The following TENM1 variants were observed in gnomAD, a reference collection of about 807,000 sequenced individuals.
The protein encoded by TENM1 is teneurin transmembrane protein 1, also known as teneurin-1.
Under a neutral mutation model 174.8 loss-of-function variants are expected in TENM1, and 35 were observed. That is an observed-to-expected ratio of 0.20 (90% CI 0.15 to 0.27). The LOEUF (loss-of-function observed/expected upper bound fraction) is 0.27, where lower values mean the gene tolerates loss of function less well. Ranked by LOEUF, TENM1 falls within the 10% of genes least tolerant of loss-of-function variation. TENM1 has a pLI of 1.00. For synonymous variants in TENM1, 781 were observed against 798.7 expected, an observed-to-expected ratio of 0.98 and a Z score of 0.37; for missense variants, 1,633 against 2,130.1, an observed-to-expected ratio of 0.77 and a Z score of 4.59.
intron 11 of TENM1, among the ~76,000 whole-genome samples, chrX:124,600,448 A>G (rs2050003329): frequency 8.9e-6 from 1 of 111,896 alleles, no homozygotes; most frequent in East Asian, 2.8e-4. Context: ...GAATTAATAA[A>G]TTGAAAGTTT....
intron 3 of TENM1, among the ~76,000 whole-genome samples, chrX:124,741,955 A>G (rs970743278): frequency 2.7e-5 from 3 of 112,459 alleles, no homozygotes; most frequent in Admixed American, 1.9e-4. Flanking sequence ...AAAGGAAAAA[A>G]TTAACCTTTA....
At chrX:124,586,308 A>T (rs1198739075) in intron 11 of TENM1, among the ~76,000 whole-genome samples, 6 of 109,268 alleles carry the variant, frequency 5.5e-5, no homozygotes, top group Non-Finnish European at 1.1e-4. Flanking sequence ...GGCAAACCGA[A>T]TCCAGCAGCA....
chrX:124,739,103 C>T (rs2053743848), intron 3 of TENM1, among the ~76,000 whole-genome samples: 1 of 111,861 alleles, frequency 8.9e-6, no homozygotes, highest in Non-Finnish European at 1.9e-5. Context: ...TGCAACACAG[C>T]ACAGTGGAAA....
intron 3 of TENM1, among the ~76,000 whole-genome samples, chrX:124,800,604 TTCTGC>T (rs2055421699): frequency 8.9e-6 from 1 of 111,804 alleles, no homozygotes; most frequent in South Asian, 3.7e-4. Flanking sequence ...TCTTCTTCAG[TTCTGC>T]TCTGATCTTC....
chrX:124,422,810 G>A, intron 23 of TENM1, 172 bp from the exon 27 acceptor site: 1 of 443,104 alleles, frequency 2.3e-6, no homozygotes, highest in Non-Finnish European at 3.9e-6. Context: ...TTAATCACAT[G>A]TTCTGGTAAA....
At chrX:124,658,509 T>C (rs1401363747) in intron 6 of TENM1, among the ~76,000 whole-genome samples, 1 of 111,824 alleles carries the variant, frequency 8.9e-6, no homozygotes, top group East Asian at 2.8e-4. Flanking sequence ...CATCATATAA[T>C]TGTTTTTATT....
At chrX:124,717,938 T>G (rs755685973) in intron 4 of TENM1, among the ~76,000 whole-genome samples, 2 of 112,511 alleles carry the variant, frequency 1.8e-5, no homozygotes, top group South Asian at 7.4e-4. Flanking sequence ...TGATTATCCA[T>G]GTACTTTCTA....
At position 124,901,080 on chromosome X, in the gene TENM1, C is replaced by T. The variant is rs979598496; in HGVS notation, c.218-4839G>A. 8.1e-5 allele frequency among the ~76,000 whole-genome samples: 9 copies of T among 111,448 alleles called. No homozygotes were observed. The Admixed American group carries it at 8.6e-4, about 11-fold the overall frequency. On this transcript the variant is annotated intron_variant, in intron 1 of 31. Transcript: ENST00000422452. The stretch of plus-strand genomic sequence containing the variant: ...GTACTGGGATTACAGGCATGAGCCA[C>T]TATGCCCGACTGATGCATGATTTCT...
At chrX:125,199,751 T>C in the TENM1 span, among the ~76,000 whole-genome samples, 4 of 112,007 alleles carry the variant, frequency 3.6e-5, no homozygotes, top group Non-Finnish European at 7.5e-5. Flanking sequence ...ATATTAGGGA[T>C]CCATGTCACC....
intron 3 of TENM1, among the ~76,000 whole-genome samples, chrX:124,758,454 C>T (rs2054322254): frequency 9.0e-6 from 1 of 110,505 alleles, no homozygotes; most frequent in South Asian, 4.0e-4. Context: ...TAAAAAGGTG[C>T]AGCTTCTATG....
intron 5 of TENM1, among the ~76,000 whole-genome samples, chrX:124,678,144 G>T (rs970563936): frequency 1.4e-4 from 15 of 110,783 alleles, no homozygotes; most frequent in African/African-American, 4.6e-4. Flanking sequence ...CATGGCAGGT[G>T]TATTTACATC....
chrX:124,815,442 G>GT (rs1436404312), intron 3 of TENM1, among the ~76,000 whole-genome samples: 7 of 111,341 alleles, frequency 6.3e-5, no homozygotes, highest in Admixed American at 1.9e-4. Context: ...AAACTAGGGA[G>GT]TTTTTTTCCA....
chrX:124,652,677 A>AAAAT (rs56771196), intron 7 of TENM1, among the ~76,000 whole-genome samples: 13,453 of 111,296 alleles, frequency 0.12, 1,770 homozygotes, highest in African/African-American at 0.39. Context: ...TATAGTCTTT[A>AAAAT]AAATAAATGA....
the TENM1 span, among the ~76,000 whole-genome samples, chrX:124,986,992 T>G: frequency 8.9e-6 from 1 of 111,756 alleles, no homozygotes; most frequent in African/African-American, 3.3e-5. Flanking sequence ...GTCACTGGAA[T>G]TAACTGCATA....
intron 23 of TENM1, among the ~76,000 whole-genome samples, chrX:124,445,946 A>T (rs2060960821): frequency 8.9e-6 from 1 of 112,463 alleles, no homozygotes; most frequent in East Asian, 2.8e-4. Flanking sequence ...TGCTTATAGC[A>T]GTGCTTACAA....
At chrX:125,049,053 T>G in the TENM1 span, among the ~76,000 whole-genome samples, 1,214 of 111,942 alleles carry the variant, frequency 0.011, 14 homozygotes, top group African/African-American at 0.034. Flanking sequence ...AAGTGCTCAA[T>G]GTTGGCTATT....
intron 22 of TENM1, among the ~76,000 whole-genome samples, chrX:124,476,533 G>A (rs145425100): frequency 0.011 from 1,254 of 111,607 alleles, 22 homozygotes; most frequent in African/African-American, 0.039. Flanking sequence ...CTGAGTTCTG[G>A]CGTCAGTTTG....
chrX:125,080,910 C>T, the TENM1 span, among the ~76,000 whole-genome samples: 2 of 111,302 alleles, frequency 1.8e-5, no homozygotes, highest in East Asian at 2.8e-4. Context: ...ATCCCCGATA[C>T]TTACCCTGGA....
intron 3 of TENM1, among the ~76,000 whole-genome samples, chrX:124,836,248 C>A (rs868719884): frequency 9.0e-6 from 1 of 111,392 alleles, no homozygotes. Flanking sequence ...AAAGTACCAT[C>A]TATCTTCCCC....
Sources: allele counts gnomAD v4.1 joint callset (sites outside exome capture counted in the v4.1 genomes callset), GRCh38; gene constraint gnomAD v4.1.1; transcripts MANE v1.5; gene names NCBI Gene and HGNC (gene_info 2026-07-23, HGNC 2026-07-21).